The following STON1 variants were observed in gnomAD, a reference collection of about 807,000 sequenced individuals.
STON1 encodes stonin 1, also known as stonin-1.
A neutral mutation model predicts 60.9 loss-of-function variants in STON1; 79 were observed. The ratio of observed to expected loss-of-function variants is 1.30; its 90% CI spans 1.08 to 1.56. STON1 has a LOEUF of 1.56. Among genes scored for constraint, STON1 ranks in the 40% most tolerant of loss-of-function variants. STON1 has a pLI of 0.00. For synonymous variants in STON1, 363 were observed against 306.9 expected, an observed-to-expected ratio of 1.18 and a Z score of -1.91; for missense variants, 1,166 against 858.9, an observed-to-expected ratio of 1.36 and a Z score of -4.47.
intron 1 of STON1, among the ~76,000 whole-genome samples, chr2:48,534,448 C>T (rs956583826): frequency 4.6e-5 from 7 of 152,226 alleles, no homozygotes; most frequent in African/African-American, 1.7e-4. Flanking sequence ...CTACTGTCTA[C>T]CATCTCCCTG....
intron 3 of STON1, among the ~76,000 whole-genome samples, chr2:48,594,761 C>T (rs1337666801): frequency 2.0e-5 from 3 of 151,968 alleles, no homozygotes; most frequent in African/African-American, 7.3e-5. Context: ...AAAGTAATCA[C>T]GGTTTTTGCC....
At chr2:48,573,135 G>A (rs1423541120) in intron 1 of STON1, among the ~76,000 whole-genome samples, 1 of 152,192 alleles carries the variant, frequency 6.6e-6, no homozygotes, top group Admixed American at 6.5e-5. Context: ...GTGGGCTGGA[G>A]GGAGAAAAAT....
chr2:48,563,780 A>G (rs746316180), intron 1 of STON1, among the ~76,000 whole-genome samples: 39 of 151,142 alleles, frequency 2.6e-4, no homozygotes, highest in Non-Finnish European at 5.2e-4. Flanking sequence ...TGCAGCGTCA[A>G]CCTTCCAGGT....
In STON1 at chr2:48,580,152, C is replaced by G. The variant is rs183177992; in HGVS notation, c.-47-435C>G. Among the ~76,000 whole-genome samples, 405 of 152,262 alleles carry G rather than the reference C, an allele frequency of 2.7e-3. 3 individuals are homozygous for G. Among genetic ancestry groups the G allele is most frequent in the African/African-American group, 9.1e-3 (379 of 41,570 alleles). On this transcript the variant is annotated intron_variant, in intron 1 of 3. Coordinates refer to ENST00000404752, the MANE Select transcript of STON1 (RefSeq NM_006873.4). ...CGAACTGCTGACCTCAGGTGACCTG[C>G]TTGCCTCGGCCTCCCAAAGTGCTGG...
chr2:48,565,935 A>G (rs1161019590), intron 1 of STON1, among the ~76,000 whole-genome samples: 1 of 152,214 alleles, frequency 6.6e-6, no homozygotes, highest in African/African-American at 2.4e-5. Flanking sequence ...AATAAGGATA[A>G]AATTCTAAAA....
Position 48,595,365 on chromosome 2 carries a change from A to G in STON1, c.*63A>G. 1 of 1,404,508 alleles carries G rather than the reference A, an allele frequency of 7.1e-7. No homozygotes were observed. Among genetic ancestry groups the G allele is most frequent in the Non-Finnish European group, 1.0e-6 (1 of 995,190 alleles). 87.0% of individuals were successfully genotyped at this position (1,404,508 alleles called of 1,614,324 possible). On this transcript the variant is annotated 3_prime_UTR_variant, in exon 4 of 4. Coordinates refer to ENST00000404752, the MANE Select transcript of STON1 (RefSeq NM_006873.4). The stretch of plus-strand genomic sequence containing the variant: ...ATATGTAATTCACCGAAACCACACC[A>G]AGTCCTGCTACTGTAGAGTGGAAAT...
chr2:48,595,257 C>T lies in STON1; in HGVS notation c.2163C>T (p.Ile721=), dbSNP rs769964189. The T allele has an allele frequency of 8.1e-6, 13 of 1,613,664 alleles. No individual in the cohort carries two copies. In the East Asian group the frequency reaches 8.9e-5, roughly 11 times the overall value. Residue 721 remains isoleucine (I), a synonymous_variant, in exon 4 of 4, where the codon ATC becomes ATT. Coordinates refer to ENST00000404752, the MANE Select transcript of STON1 (RefSeq NM_006873.4). ...AAATAGAAAAGAAGTGGATTAAAAT[C>T]GATGGAGAAGACCCAGATAAAATTG... is the stretch of plus-strand genomic sequence containing the variant. The part of the protein sequence containing the change: ...QVEIEKKWIK[I]DGEDPDKIGD...
chr2:48,589,256 T>C (rs1478696990), intron 2 of STON1, among the ~76,000 whole-genome samples: 1 of 152,190 alleles, frequency 6.6e-6, no homozygotes, highest in Non-Finnish European at 1.5e-5. Context: ...AATATTTTGG[T>C]TCAGGAGGGA....
At chr2:48,561,970 C>A (rs529847780) in intron 1 of STON1, among the ~76,000 whole-genome samples, 1 of 152,198 alleles carries the variant, frequency 6.6e-6, no homozygotes, top group Non-Finnish European at 1.5e-5. Flanking sequence ...AAGTGATTCT[C>A]GTGCCTCAGC....
chr2:48,537,429 G>A (rs1224925239), intron 1 of STON1, among the ~76,000 whole-genome samples: 1 of 152,108 alleles, frequency 6.6e-6, no homozygotes, highest in Admixed American at 6.5e-5. Context: ...CGTATTAATT[G>A]TGTTGAAACA....
chr2:48,592,740 C>T (rs890896776), intron 3 of STON1, among the ~76,000 whole-genome samples: 24 of 151,874 alleles, frequency 1.6e-4, no homozygotes, highest in Admixed American at 6.6e-4. Flanking sequence ...GGATTACAGG[C>T]GTAAGCCACC....
intron 1 of STON1, among the ~76,000 whole-genome samples, chr2:48,541,847 G>T (rs964155896): frequency 4.6e-5 from 7 of 152,070 alleles, no homozygotes; most frequent in African/African-American, 1.7e-4. Context: ...GTGTGCCACT[G>T]CCACCATCTG....
Position 48,564,603 on chromosome 2 carries a change from CT to C in STON1, c.-47-15982del, listed in dbSNP as rs1440379151. ...TCTCCTCCTCCTCCTCCTCCTCCTC[CT>C]TCTCCTTCTCCTTCTCCTTCTCCTT... On this transcript the variant is annotated intron_variant, in intron 1 of 3. Coordinates refer to ENST00000404752, the MANE Select transcript of STON1 (RefSeq NM_006873.4). Among the ~76,000 whole-genome samples, 31 of 98,498 alleles carry C rather than the reference CT, an allele frequency of 3.1e-4. 6 individuals are homozygous for C. Among genetic ancestry groups the C allele is most frequent in the Non-Finnish European group, 5.0e-4 (23 of 46,258 alleles). The allele number at this position is 98,498 out of a possible 152,430, so 64.6% of individuals were successfully genotyped here. A position where few individuals can be genotyped will look rare whatever the true frequency, so the allele number is the denominator to read the frequency against.
chr2:48,557,119 A>G (rs1371032437), intron 1 of STON1, among the ~76,000 whole-genome samples: 8 of 93,472 alleles, frequency 8.6e-5, no homozygotes, highest in African/African-American at 2.5e-4. Flanking sequence ...CCGGGCGGAG[A>G]CGCTCCTCAC....
rs778578049 is a variant in STON1, at chr2:48,581,236, AG to A, written c.605del (p.Gly202GlufsTer20). On this transcript the variant is annotated frameshift_variant, in exon 2 of 4. Transcript: ENST00000404752. LOFTEE classifies it high-confidence loss of function. Reference protein sequence around the residue: ...SDSHFTLDPPGSKKMFSSRNK... With the variant: ...SDSHFTLDPPXSKKMFSSRNK... ...ATTCCCATTTCACCCTTGACCCACC[AG>A]GAAGCAAAAAGATGTTCTCATCAAG... The A allele has an allele frequency of 2.6e-6, 4 of 1,517,908 alleles. No individual in the cohort carries two copies. In the South Asian group the frequency reaches 5.4e-5, roughly 20 times the overall value. The allele number at this position is 1,517,908 out of a possible 1,614,324, so 94.0% of individuals were successfully genotyped here.
intron 1 of STON1, among the ~76,000 whole-genome samples, chr2:48,547,710 A>G (rs1671919206): frequency 6.6e-6 from 1 of 152,190 alleles, no homozygotes; most frequent in South Asian, 2.1e-4. Context: ...GTCAAGTGAA[A>G]AGTGTTTAGA....
intron 1 of STON1, among the ~76,000 whole-genome samples, chr2:48,568,453 T>G (rs1251258818): frequency 1.3e-5 from 2 of 152,090 alleles, no homozygotes; most frequent in Non-Finnish European, 2.9e-5. Flanking sequence ...AGAGGAAAAC[T>G]GCAAAGAACG....
chr2:48,549,907 C>T (rs1056085708), intron 1 of STON1, among the ~76,000 whole-genome samples: 10 of 151,678 alleles, frequency 6.6e-5, no homozygotes, highest in African/African-American at 9.7e-5. Flanking sequence ...GTGGTGGGAC[C>T]GACTCTTGTC....
chr2:48,581,105 C>T lies in STON1; in HGVS notation c.472C>T (p.Gln158Ter). ...KVGLPDEVNP[Q>*]QAESLGFQSD... ...AGGTCTTCCAGATGAAGTTAATCCT[C>T]AACAGGCTGAAAGCCTAGGATTCCA... Residue 158 changes from glutamine to a stop codon, truncating the protein, a stop_gained, in exon 2 of 4, where the codon CAA becomes TAA. Transcript: ENST00000404752. LOFTEE classifies it high-confidence loss of function. The T allele has an allele frequency of 6.2e-7, 1 of 1,601,222 alleles. No homozygotes were observed. The highest frequency in any genetic ancestry group is 2.2e-5 in the East Asian group (1 of 44,842).
Sources: allele counts gnomAD v4.1 joint callset (sites outside exome capture counted in the v4.1 genomes callset), GRCh38; gene constraint gnomAD v4.1.1; transcripts MANE v1.5; gene names NCBI Gene and HGNC (gene_info 2026-07-23, HGNC 2026-07-21).